The following CDK5 variants were observed in gnomAD, a reference collection of about 807,000 sequenced individuals.
The protein encoded by CDK5 is cyclin-dependent kinase 5.
CDK5 carries 18 observed loss-of-function variants against 44.6 expected under a neutral mutation model. The ratio of observed to expected loss-of-function variants is 0.40; its 90% confidence interval spans 0.28 to 0.60. The LOEUF is 0.60. CDK5 is among the 20% of genes least tolerant of loss of function. The pLI is 0.38. For missense variants in CDK5, 198 were observed against 368.1 expected (o/e 0.54, Z 3.78); for synonymous variants, 143 against 152.8 (o/e 0.94, Z 0.47).
Position 151,056,887 on chromosome 7 carries a change from G to A in CDK5, c.194+21C>T, listed in dbSNP as rs746425237. The A allele has an allele frequency of 2.5e-6, 4 of 1,599,564 alleles. No homozygotes were observed. Among genetic ancestry groups the A allele is most frequent in the Non-Finnish European group, 2.6e-6 (3 of 1,173,370 alleles). The stretch of plus-strand genomic sequence containing the variant: ...TCCCCCAAGCGGCCACACCGGCAAG[G>A]AGCACCCGCCTCCCGCACACCTGAC... On this transcript the variant is annotated intron_variant, in intron 3 of 11. Transcript: ENST00000485972. The surrounding 1 kb of genome is among the most constrained non-coding windows in gnomAD (Gnocchi z 4.7).
In CDK5 at chr7:151,054,542, T is replaced by C. The variant is rs1796856401; in HGVS notation, c.651-77A>G. On this transcript the variant is annotated intron_variant, in intron 9 of 11. Transcript: ENST00000485972. The surrounding 1 kb of genome is among the most constrained non-coding windows in gnomAD (Gnocchi z 5.7). Reference sequence around the variant, plus strand: ...GGGGCAGGGTGAGGGCCTCTTCCCCTCCTGGGGAGGGATTCCTCATACCCA... The same window carrying C: ...GGGGCAGGGTGAGGGCCTCTTCCCCCCCTGGGGAGGGATTCCTCATACCCA... The C allele has an allele frequency of 4.4e-6, 6 of 1,366,626 alleles. No individual in the cohort carries two copies. In the Admixed American group the frequency reaches 1.2e-4, roughly 27 times the overall value. The allele number at this position is 1,366,626 out of a possible 1,614,324, so 84.7% of individuals were successfully genotyped here.
chr7:151,055,897 G>A, intron 5 of CDK5, 49 bp from the exon 6 acceptor site: 1 of 1,313,740 alleles, frequency 7.6e-7, no homozygotes, highest in Non-Finnish European at 1.1e-6. Context: ...ACATGCAACT[G>A]TGCCCAGCAA....
chr7:151,056,694 A>G lies in CDK5; in HGVS notation c.255+42T>C, dbSNP rs1796901596. The G allele has an allele frequency of 1.2e-6, 2 of 1,611,804 alleles. No homozygotes were observed. The highest frequency in any genetic ancestry group is 2.2e-5 in the East Asian group (1 of 44,870). ...GAGTTTAACCTCAATCTGGGCCCCT[A>G]TACCTTCCCAAGGCTACTGTCCTCC... On this transcript the variant is annotated intron_variant, in intron 4 of 11. Coordinates refer to ENST00000485972, the MANE Select transcript of CDK5 (RefSeq NM_004935.4). The surrounding 1 kb of genome is among the most constrained non-coding windows in gnomAD (Gnocchi z 4.7).
In CDK5 at chr7:151,055,445, G is replaced by A; in HGVS notation, c.484-72C>T. ...GGAGGAGGTTTGAGGAGGAGGCTCA[G>A]AGAGGAGAGGAAAATAATGTTTTGG... On this transcript the variant is annotated intron_variant, in intron 7 of 11. Coordinates refer to ENST00000485972, the MANE Select transcript of CDK5 (RefSeq NM_004935.4). The A allele has an allele frequency of 2.6e-6, 4 of 1,556,360 alleles. No homozygotes were observed. In the South Asian group the frequency reaches 3.3e-5, roughly 13 times the overall value.
rs762731440 is a variant in CDK5, at chr7:151,056,786, C to T, written c.205G>A (p.Val69Ile). Reference protein sequence around the residue: ...KHKNIVRLHDVLHSDKKLTLV... With the variant: ...KHKNIVRLHDILHSDKKLTLV... ...GTCAGCTTCTTGTCGCTGTGCAGGA[C>T]GTCATGAAGCCTAGGGCAAAAGAAG... The change falls in exon 4 of 12, where the codon GTC (valine) becomes ATC (isoleucine). Residue 69 changes from valine to isoleucine, a missense_variant. By Grantham distance (29) the Val-to-Ile change is conservative. Transcript: ENST00000485972. The surrounding 1 kb of genome is among the most constrained non-coding windows in gnomAD (Gnocchi z 4.7). 3.7e-6 allele frequency: 6 copies of T among 1,611,412 alleles called. No individual in the cohort carries two copies. The African/African-American group carries it at 6.7e-5, about 18-fold the overall frequency.
rs143488987 is a variant in CDK5, at chr7:151,056,521, T to C, written c.312+59A>G. The C allele has an allele frequency of 4.7e-4, 704 of 1,503,272 alleles. 7 individuals are homozygous for C. In the African/African-American group the frequency reaches 8.4e-3, roughly 18 times the overall value. 93.1% of individuals were successfully genotyped at this position (1,503,272 alleles called of 1,614,324 possible). A position where few individuals can be genotyped will look rare whatever the true frequency, so the allele number is the denominator to read the frequency against. On this transcript the variant is annotated intron_variant, in intron 5 of 11. Coordinates refer to ENST00000485972, the MANE Select transcript of CDK5 (RefSeq NM_004935.4). The surrounding 1 kb of genome is among the most constrained non-coding windows in gnomAD (Gnocchi z 4.7). ...CCAAACTTAGAGCCCAAGGGGTGCT[T>C]ACACCGAATGCAGACTCCGACCCCA...
At position 151,057,604 on chromosome 7, in the gene CDK5, C is replaced by G. The variant is rs1796926362; in HGVS notation, c.37+208G>C. On this transcript the variant is annotated intron_variant, in intron 1 of 11. Transcript: ENST00000485972. This position sits in a 1 kb window ranked among gnomAD's most constrained non-coding sequence, Gnocchi z 5.2. ...GTTGGGAGGTCGGGTCTACTGGGAACGCTAAGGTTGGAGTGAGAGCCCTGC... is the reference window on the plus strand; with the variant it reads ...GTTGGGAGGTCGGGTCTACTGGGAAGGCTAAGGTTGGAGTGAGAGCCCTGC... 1.5e-6 allele frequency: 1 copy of G among 665,280 alleles called. No homozygotes were observed. Among genetic ancestry groups the G allele is most frequent in the South Asian group, 1.7e-5 (1 of 59,692 alleles). The allele number at this position is 665,280 out of a possible 1,614,324, so 41.2% of individuals were successfully genotyped here.
At position 151,053,948 on chromosome 7, in the gene CDK5, C is replaced by T; in HGVS notation, c.*61G>A. 1 of 1,439,240 alleles carries T rather than the reference C, an allele frequency of 6.9e-7. No homozygotes were observed. 89.2% of individuals were successfully genotyped at this position (1,439,240 alleles called of 1,614,324 possible). A position where few individuals can be genotyped will look rare whatever the true frequency, so the allele number is the denominator to read the frequency against. ...GCACCAGGCACCCCCACTGTCTCAC[C>T]CCTCTCAAGAGGGGGCTTAAATAGG... On this transcript the variant is annotated 3_prime_UTR_variant, in exon 12 of 12. Coordinates refer to ENST00000485972, the MANE Select transcript of CDK5 (RefSeq NM_004935.4).
Position 151,057,335 on chromosome 7 carries a change from G to A in CDK5, c.38-175C>T, listed in dbSNP as rs1248676225. 1 of 653,886 alleles carries A rather than the reference G, an allele frequency of 1.5e-6. No individual in the cohort carries two copies. The highest frequency in any genetic ancestry group is 1.8e-5 in the African/African-American group (1 of 55,886). 40.5% of individuals were successfully genotyped at this position (653,886 alleles called of 1,614,324 possible). A position where few individuals can be genotyped will look rare whatever the true frequency, so the allele number is the denominator to read the frequency against. ...TGTGGCAGGTGGGGAGGGAGGAGAAGGTGCCCACCGAGGCTCCAGGGGCTC... is the reference window on the plus strand; with the variant it reads ...TGTGGCAGGTGGGGAGGGAGGAGAAAGTGCCCACCGAGGCTCCAGGGGCTC... On this transcript the variant is annotated intron_variant, in intron 1 of 11. Coordinates refer to ENST00000485972, the MANE Select transcript of CDK5 (RefSeq NM_004935.4). The surrounding 1 kb of genome is among the most constrained non-coding windows in gnomAD (Gnocchi z 5.2).
rs1259404581 is a variant in CDK5 at position 151,056,379 on chromosome 7, G to A, written c.312+201C>T. 1 of 605,374 alleles carries A rather than the reference G, an allele frequency of 1.7e-6. No homozygotes were observed. The highest frequency in any genetic ancestry group is 2.7e-5 in the East Asian group (1 of 36,456). The allele number at this position is 605,374 out of a possible 1,614,324, so 37.5% of individuals were successfully genotyped here. On this transcript the variant is annotated intron_variant, in intron 5 of 11. Coordinates refer to ENST00000485972, the MANE Select transcript of CDK5 (RefSeq NM_004935.4). The surrounding 1 kb of genome is among the most constrained non-coding windows in gnomAD (Gnocchi z 4.7). ...TAAATAATATCACTGACATCAGAAT[G>A]ACACTGTGCGGGTCAAAGATGACCA...
In CDK5 at chr7:151,056,087, T is replaced by C. The variant is rs1265999916; in HGVS notation, c.313-239A>G. 7 of 566,062 alleles carry C rather than the reference T, an allele frequency of 1.2e-5. No homozygotes were observed. In the East Asian group the frequency reaches 2.0e-4, roughly 16 times the overall value. 35.1% of individuals were successfully genotyped at this position (566,062 alleles called of 1,614,324 possible). A position where few individuals can be genotyped will look rare whatever the true frequency, so the allele number is the denominator to read the frequency against. Reference sequence around the variant, plus strand: ...CACCTTCCTGGACCATACAGCCTAATGGGCCTTGGCAGGTGGATCCTAGAT... The same window carrying C: ...CACCTTCCTGGACCATACAGCCTAACGGGCCTTGGCAGGTGGATCCTAGAT... On this transcript the variant is annotated intron_variant, in intron 5 of 11. Transcript: ENST00000485972. The surrounding 1 kb of genome is among the most constrained non-coding windows in gnomAD (Gnocchi z 4.7).
chr7:151,053,874 G>T lies in CDK5; in HGVS notation c.*135C>A. Reference sequence around the variant, plus strand: ...AGTCCACAAAGGGAGTGAGAAATTCGGGCTCAGGCACCCCACCCCGGCTGG... The same window carrying T: ...AGTCCACAAAGGGAGTGAGAAATTCTGGCTCAGGCACCCCACCCCGGCTGG... On this transcript the variant is annotated 3_prime_UTR_variant, in exon 12 of 12. Transcript: ENST00000485972. 1 of 671,744 alleles carries T rather than the reference G, an allele frequency of 1.5e-6. No homozygotes were observed. 41.6% of individuals were successfully genotyped at this position (671,744 alleles called of 1,614,324 possible).
Position 151,054,331 on chromosome 7 carries a change from G to GA in CDK5, c.712-40dup. On this transcript the variant is annotated intron_variant, in intron 10 of 11. Coordinates refer to ENST00000485972, the MANE Select transcript of CDK5 (RefSeq NM_004935.4). This position sits in a 1 kb window ranked among gnomAD's most constrained non-coding sequence, Gnocchi z 5.7. Reference sequence around the variant, plus strand: ...GGGAGGGTCAGACTAGAGGTAGGGGGAGGGGGATGGAGGCGCTAGGAATGT... The same window carrying GA: ...GGGAGGGTCAGACTAGAGGTAGGGGGAAGGGGGATGGAGGCGCTAGGAATGT... 6.2e-7 allele frequency: 1 copy of GA among 1,611,370 alleles called. No individual in the cohort carries two copies. The highest frequency in any genetic ancestry group is 8.5e-7 in the Non-Finnish European group (1 of 1,177,640).
Position 151,055,819 on chromosome 7 carries a change from C to T in CDK5, c.342G>A (p.Leu114=), listed in dbSNP as rs1002467832. 6.2e-6 allele frequency: 10 copies of T among 1,611,214 alleles called. No individual in the cohort carries two copies. The African/African-American group carries it at 8.0e-5, about 13-fold the overall frequency. The change falls in exon 6 of 12, where the codon CTG becomes CTA. Residue 114 remains leucine (L), a synonymous_variant. Coordinates refer to ENST00000485972, the MANE Select transcript of CDK5 (RefSeq NM_004935.4). ...KSFLFQLLKG[L]GFCHSRNVLH... is the part of the protein sequence containing the mutation. ...GCACATTGCGGCTATGACAGAATCC[C>T]AGCCCTTTTAGTAGCTGGAAGAGGA...
Position 151,057,855 on chromosome 7 carries a change from G to A in CDK5, c.-7C>T. 3.1e-6 allele frequency: 5 copies of A among 1,609,780 alleles called. No homozygotes were observed. Among genetic ancestry groups the A allele is most frequent in the Non-Finnish European group, 3.4e-6 (4 of 1,178,256 alleles). Reference sequence around the variant, plus strand: ...GTTTCTCGTATTTCTGCATCGCGGCGGCCGCGGGGACCCCTGCGGGCCCTC... The same window carrying A: ...GTTTCTCGTATTTCTGCATCGCGGCAGCCGCGGGGACCCCTGCGGGCCCTC... On this transcript the variant is annotated 5_prime_UTR_variant, in exon 1 of 12. Transcript: ENST00000485972. This position sits in a 1 kb window ranked among gnomAD's most constrained non-coding sequence, Gnocchi z 5.2.
At position 151,054,474 on chromosome 7, in the gene CDK5, G is replaced by C; in HGVS notation, c.651-9C>G. Reference sequence around the variant, plus strand: ...TGGGCGTCCCCAGCAGTGTGTCCACGGAGTCAAGGATCACTTGGGAAAGGG... The same window carrying C: ...TGGGCGTCCCCAGCAGTGTGTCCACCGAGTCAAGGATCACTTGGGAAAGGG... On this transcript the variant is annotated splice_polypyrimidine_tract_variant and intron_variant, in intron 9 of 11. Transcript: ENST00000485972. The surrounding 1 kb of genome is among the most constrained non-coding windows in gnomAD (Gnocchi z 5.7). 6.2e-7 allele frequency: 1 copy of C among 1,609,848 alleles called. No homozygotes were observed.
At chr7:151,055,669 T>C in intron 6 of CDK5, 63 bp from the exon 7 acceptor site, 1 of 1,547,060 alleles carries the variant, frequency 6.5e-7, no homozygotes, top group Non-Finnish European at 8.9e-7. Context: ...CAGCACCAAC[T>C]CCATCCTCCC....
rs1401924393 is a variant in CDK5 at position 151,054,925 on chromosome 7, C to G, written c.650+102G>C. On this transcript the variant is annotated intron_variant, in intron 9 of 11. Transcript: ENST00000485972. This position sits in a 1 kb window ranked among gnomAD's most constrained non-coding sequence, Gnocchi z 5.7. Reference sequence around the variant, plus strand: ...GCCCTCAGGAGAAGCCCTACAGACCCCATCACCCTACCCCACACCATCACT... The same window carrying G: ...GCCCTCAGGAGAAGCCCTACAGACCGCATCACCCTACCCCACACCATCACT... 1 of 1,171,564 alleles carries G rather than the reference C, an allele frequency of 8.5e-7. No homozygotes were observed. Among genetic ancestry groups the G allele is most frequent in the Admixed American group, 1.9e-5 (1 of 52,206 alleles). The allele number at this position is 1,171,564 out of a possible 1,614,324, so 72.6% of individuals were successfully genotyped here.
chr7:151,055,174 C>T (rs1368402327), intron 8 of CDK5, 78 bp from the exon 9 acceptor site: 1 of 1,565,740 alleles, frequency 6.4e-7, no homozygotes, highest in Non-Finnish European at 8.7e-7. Context: ...CTTCCAGCTC[C>T]AGTCCCAGGG....
Sources: gnomAD v4.1 joint callset for allele counts on GRCh38, gnomAD v4.1.1 for gene constraint, Gnocchi (gnomAD v3.1) non-coding constraint, MANE v1.5 for transcripts, NCBI Gene and HGNC (gene_info 2026-07-23, HGNC 2026-07-21) for gene names.